Variants in KIF13B observed in about 807,000 individuals in gnomAD.
KIF13B encodes the protein kinesin-like protein KIF13B.
A neutral mutation model predicts 222.0 loss-of-function variants in KIF13B; 127 were observed. The ratio of observed to expected loss-of-function variants is 0.57; its 90% confidence interval spans 0.50 to 0.66. The LOEUF is 0.66. Ranked by LOEUF, KIF13B falls within the 30% of genes least tolerant of loss-of-function variation. The pLI, the probability that KIF13B is intolerant of heterozygous loss-of-function variation, is 0.00. For synonymous variants in KIF13B, 976 were observed against 919.0 expected, an observed-to-expected ratio of 1.06 and a Z score of -1.12; for missense variants, 2,173 against 2,379.0, an observed-to-expected ratio of 0.91 and a Z score of 1.80.
chr8:29,094,194 T>C (rs1808420639), intron 36 of KIF13B, among the ~76,000 whole-genome samples: 1 of 150,022 alleles, frequency 6.7e-6, no homozygotes, highest in African/African-American at 2.4e-5. Context: ...TCAAATCAGC[T>C]GAATCGAATC....
chr8:29,213,376 C>T (rs2130485602), intron 2 of KIF13B, among the ~76,000 whole-genome samples: 1 of 152,334 alleles, frequency 6.6e-6, no homozygotes. Flanking sequence ...TTATCATCCA[C>T]ATTTTATAAA....
At chr8:29,204,577 C>G (rs1704552702) in intron 2 of KIF13B, among the ~76,000 whole-genome samples, 1 of 152,302 alleles carries the variant, frequency 6.6e-6, no homozygotes, top group Non-Finnish European at 1.5e-5. Flanking sequence ...AAGTTTAAAT[C>G]TGGCCAAAGA....
intron 32 of KIF13B, among the ~76,000 whole-genome samples, chr8:29,111,502 C>T (rs983207686): frequency 1.3e-5 from 2 of 152,182 alleles, no homozygotes; most frequent in African/African-American, 4.8e-5. Flanking sequence ...TTGCCTTTAT[C>T]ATCAGGATTT....
intron 11 of KIF13B, among the ~76,000 whole-genome samples, chr8:29,166,538 C>T (rs1812006993): frequency 6.6e-6 from 1 of 152,024 alleles, no homozygotes; most frequent in East Asian, 1.9e-4. Context: ...AACCCTGTCT[C>T]TATAAAAACT....
chr8:29,173,819 C>T (rs1388552443), intron 10 of KIF13B, among the ~76,000 whole-genome samples: 1 of 151,586 alleles, frequency 6.6e-6, no homozygotes, highest in African/African-American at 2.4e-5. Flanking sequence ...CGGTGCGCAC[C>T]TGTAATCCCA....
chr8:29,077,173 A>C (rs1039500521), intron 37 of KIF13B, among the ~76,000 whole-genome samples: 11 of 152,186 alleles, frequency 7.2e-5, no homozygotes, highest in African/African-American at 2.2e-4. Context: ...AGGCCATTGC[A>C]CATGACAAGG....
At position 29,148,612 on chromosome 8, in the gene KIF13B, T is replaced by C. The variant is rs748631046; in HGVS notation, c.1778A>G (p.Gln593Arg). 4.3e-6 allele frequency: 7 copies of C among 1,611,780 alleles called. No individual in the cohort carries two copies. Among genetic ancestry groups the C allele is most frequent in the Non-Finnish European group, 5.9e-6 (7 of 1,178,954 alleles). The change falls in exon 16 of 40, where the codon CAG becomes CGG. Residue 593 changes from glutamine to arginine, a missense_variant. Gln to Arg is a conservative substitution (Grantham distance 43, BLOSUM62 1). Around this residue, in one of 2 missense-constraint regions of KIF13B, gnomAD observed 1,480 missense variants for 1,722.8 expected, o/e 0.86. Transcript: ENST00000524189. ...SEVNFNYEYA[Q>R]MEVTMKALGS... ...CAGGGCCTTCATGGTGACCTCCATC[T>C]GTGCGTATTCGTAATTAAAGTTAAC...
chr8:29,243,756 TA>T (rs1563821278), intron 2 of KIF13B, among the ~76,000 whole-genome samples: 2 of 152,232 alleles, frequency 1.3e-5, no homozygotes, highest in Non-Finnish European at 2.9e-5. Flanking sequence ...GGGTGCCACT[TA>T]TATTATAAGG....
chr8:29,193,001 G>C (rs944918128), intron 3 of KIF13B, among the ~76,000 whole-genome samples: 17 of 152,174 alleles, frequency 1.1e-4, no homozygotes, highest in Admixed American at 7.9e-4. Flanking sequence ...GGCAACTAAA[G>C]GGGGAGGCAG....
At chr8:29,117,527 G>T (rs11775127) in intron 30 of KIF13B, among the ~76,000 whole-genome samples, 12,379 of 152,060 alleles carry the variant, frequency 0.081, 663 homozygotes, top group Non-Finnish European at 0.12. Context: ...CGTTTCTCTA[G>T]TCTACTCTAA....
At chr8:29,233,587 T>C (rs1586962416) in intron 2 of KIF13B, among the ~76,000 whole-genome samples, 1 of 152,276 alleles carries the variant, frequency 6.6e-6, no homozygotes, top group East Asian at 1.9e-4. Flanking sequence ...AATTTTTTGG[T>C]ATCAAAACCC....
intron 14 of KIF13B, among the ~76,000 whole-genome samples, chr8:29,154,141 T>C (rs931118660): frequency 6.6e-6 from 1 of 152,118 alleles, no homozygotes; most frequent in African/African-American, 2.4e-5. Context: ...CAAAACCCTG[T>C]ATCTACAAAA....
intron 4 of KIF13B, 112 bp from the exon 5 acceptor site, chr8:29,188,719 A>AAC (rs1813051880): frequency 1.5e-6 from 1 of 673,022 alleles, no homozygotes. Context: ...TTTATCTCCA[A>AAC]ACAAGATTTT....
intron 27 of KIF13B, among the ~76,000 whole-genome samples, chr8:29,123,696 C>T (rs762838808): frequency 4.6e-5 from 7 of 152,314 alleles, no homozygotes; most frequent in African/African-American, 7.2e-5. Flanking sequence ...ACAGAGGGAC[C>T]GCACAGGAGT....
intron 23 of KIF13B, among the ~76,000 whole-genome samples, chr8:29,131,337 TAA>T (rs144827387): frequency 1.0e-4 from 14 of 139,126 alleles, no homozygotes; most frequent in Admixed American, 4.4e-4. Flanking sequence ...TTGAAACTAT[TAA>T]AAAAAAAAAA....
At chr8:29,079,740 C>A (rs963235541) in intron 37 of KIF13B, among the ~76,000 whole-genome samples, 1 of 152,136 alleles carries the variant, frequency 6.6e-6, no homozygotes, top group Admixed American at 6.5e-5. Flanking sequence ...CTAACAATCA[C>A]CCCTTACCCT....
chr8:29,116,975 C>A lies in KIF13B; in HGVS notation c.3693G>T (p.Val1231=), dbSNP rs375842955. 1.9e-6 allele frequency: 3 copies of A among 1,602,302 alleles called. No homozygotes were observed. The highest frequency in any genetic ancestry group is 3.4e-5 in the Admixed American group (2 of 59,290). ...CCCTGCTGAGCTGAGGGCAGCCATG[C>A]ACCGCGGAGTCCCAGGAGGCTTCTG... is the stretch of plus-strand genomic sequence containing the variant. The part of the protein sequence containing the change: ...VKAEASWDSA[V]HGCPQLSRGT... The change falls in exon 31 of 40, where the codon GTG becomes GTT. Residue 1231 remains valine, a synonymous_variant. Coordinates refer to ENST00000524189, the MANE Select transcript of KIF13B (RefSeq NM_015254.4).
Position 29,078,110 on chromosome 8 carries a change from G to A in KIF13B, c.4459-2767C>T, listed in dbSNP as rs1045214485. ...CCAGCCTGGCCAACATGGTGAAACC[G>A]TGTCTCTACTAAAATCCAAAAAAAA... is the stretch of plus-strand genomic sequence containing the variant. On this transcript the variant is annotated intron_variant, in intron 37 of 39. Coordinates refer to ENST00000524189, the MANE Select transcript of KIF13B (RefSeq NM_015254.4). Among the ~76,000 whole-genome samples the A allele has an allele frequency of 6.5e-5, 6 of 92,454 alleles. No homozygotes were observed. In the East Asian group the frequency reaches 7.6e-4, roughly 12 times the overall value. The allele number at this position is 92,454 out of a possible 152,430, so 60.7% of individuals were successfully genotyped here.
chr8:29,249,958 A>G (rs1245867430), intron 1 of KIF13B: 3 of 1,111,648 alleles, frequency 2.7e-6, no homozygotes, highest in Non-Finnish European at 3.6e-6. Context: ...GCCACACTGC[A>G]ACAAGTTTTC....
Sources: gnomAD v4.1 joint callset for allele counts (sites outside exome capture counted in the v4.1 genomes callset) on GRCh38, gnomAD v4.1.1 for gene constraint, gnomAD v4.1.1 regional missense constraint, MANE v1.5 for transcripts, NCBI Gene and HGNC (gene_info 2026-07-23, HGNC 2026-07-21) for gene names.